The following NTM variants were observed in gnomAD, a reference collection of about 807,000 sequenced individuals.
NTM encodes IgLON family member 2.
Under a neutral mutation model 42.1 loss-of-function variants are expected in NTM, and 13 were observed. The ratio of observed to expected loss-of-function variants is 0.31; its 90% confidence interval spans 0.20 to 0.49. NTM has a LOEUF of 0.49. NTM is among the 20% of genes least tolerant of loss of function. The pLI is 0.99. For missense variants in NTM, 373 were observed against 452.8 expected (o/e 0.82, Z 1.60); for synonymous variants, 187 against 179.2 (o/e 1.04, Z -0.35).
At chr11:132,242,066 T>C (rs1174041664) in intron 4 of NTM, among the ~76,000 whole-genome samples, 2 of 152,344 alleles carry the variant, frequency 1.3e-5, no homozygotes, top group Non-Finnish European at 2.9e-5. Context: ...GGTTGTTTGA[T>C]GCCATCTCAT....
chr11:131,589,171 G>T (rs4936139), intron 1 of NTM, among the ~76,000 whole-genome samples: 52,008 of 139,978 alleles, frequency 0.37, 10,187 homozygotes, highest in East Asian at 0.52. Flanking sequence ...GGAAAAATGT[G>T]TGTGTGTGTG....
intron 1 of NTM, chr11:131,771,360 G>C (rs1225905982): frequency 6.6e-6 from 1 of 152,202 alleles, no homozygotes; most frequent in Non-Finnish European, 1.5e-5. Context: ...AAATGAAGAT[G>C]CCAGGGTTTT....
At chr11:131,488,593 T>A (rs949270068) in intron 1 of NTM, among the ~76,000 whole-genome samples, 4 of 152,204 alleles carry the variant, frequency 2.6e-5, no homozygotes, top group African/African-American at 9.7e-5. Flanking sequence ...CGATGGCAAG[T>A]GCAGCATGTG....
At chr11:132,328,193 A>T (rs1329929764) in intron 7 of NTM, among the ~76,000 whole-genome samples, 1 of 152,114 alleles carries the variant, frequency 6.6e-6, no homozygotes, top group Non-Finnish European at 1.5e-5. Flanking sequence ...GGTGGACTGG[A>T]ATGAGCATGA....
chr11:132,087,095 C>T (rs533079841), intron 2 of NTM, among the ~76,000 whole-genome samples: 1 of 152,102 alleles, frequency 6.6e-6, no homozygotes, highest in Non-Finnish European at 1.5e-5. Context: ...CTAGGGAATA[C>T]CCAGGATATG....
chr11:132,184,369 A>G (rs2078069429), intron 3 of NTM, among the ~76,000 whole-genome samples: 1 of 152,102 alleles, frequency 6.6e-6, no homozygotes, highest in South Asian at 2.1e-4. Flanking sequence ...CTTCCTTGGC[A>G]CAGCTGTGGG....
intron 2 of NTM, among the ~76,000 whole-genome samples, chr11:132,102,964 A>G (rs761504433): frequency 6.6e-6 from 1 of 152,230 alleles, no homozygotes. Context: ...ACTGAGCACA[A>G]CAGAGCCAAA....
intron 1 of NTM, among the ~76,000 whole-genome samples, chr11:131,392,782 G>A (rs1041527392): frequency 3.3e-5 from 5 of 152,166 alleles, no homozygotes; most frequent in African/African-American, 9.7e-5. Context: ...CTGAAAGTCT[G>A]GAAGGTTGCT....
chr11:131,552,297 C>A (rs1442044374), intron 1 of NTM, among the ~76,000 whole-genome samples: 1 of 152,160 alleles, frequency 6.6e-6, no homozygotes, highest in Non-Finnish European at 1.5e-5. Flanking sequence ...AAAAGTGATG[C>A]TGTCAGTTTG....
chr11:131,517,747 T>C (rs2049082465), intron 1 of NTM, among the ~76,000 whole-genome samples: 1 of 152,234 alleles, frequency 6.6e-6, no homozygotes, highest in African/African-American at 2.4e-5. Flanking sequence ...TGTATTGACC[T>C]GCCTTCAGAT....
At chr11:131,680,399 GCGTC>G (rs2072261923) in intron 1 of NTM, among the ~76,000 whole-genome samples, 3 of 151,384 alleles carry the variant, frequency 2.0e-5, no homozygotes, top group South Asian at 2.1e-4. Flanking sequence ...GTGTGTGTGT[GCGTC>G]TGTGTAGGCA....
intron 1 of NTM, among the ~76,000 whole-genome samples, chr11:131,639,924 C>G (rs1275550641): frequency 6.6e-6 from 1 of 151,644 alleles, no homozygotes; most frequent in Non-Finnish European, 1.5e-5. Flanking sequence ...CCACTGCACT[C>G]CAGCCTGGGT....
chr11:131,667,641 T>C (rs1482188678), intron 1 of NTM, among the ~76,000 whole-genome samples: 1 of 152,170 alleles, frequency 6.6e-6, no homozygotes, highest in Admixed American at 6.5e-5. Context: ...CTTACAGCAG[T>C]GAGCAAGTGT....
intron 1 of NTM, among the ~76,000 whole-genome samples, chr11:131,556,181 G>A (rs1463310922): frequency 6.6e-6 from 1 of 152,150 alleles, no homozygotes; most frequent in Non-Finnish European, 1.5e-5. Flanking sequence ...AAAGGAGGAT[G>A]CCTCTAATGT....
intron 4 of NTM, among the ~76,000 whole-genome samples, chr11:132,221,670 G>C (rs1206769480): frequency 6.6e-6 from 1 of 152,208 alleles, no homozygotes; most frequent in Non-Finnish European, 1.5e-5. Context: ...TGTGATGCAA[G>C]CTCAAGTTTG....
intron 2 of NTM, among the ~76,000 whole-genome samples, chr11:132,069,260 A>G (rs71485717): frequency 4.8e-5 from 7 of 147,220 alleles, no homozygotes; most frequent in South Asian, 2.2e-4. Flanking sequence ...CACACTGACC[A>G]TCACAGATTA....
At chr11:131,895,467 T>C (rs2052117580) in intron 1 of NTM, among the ~76,000 whole-genome samples, 1 of 152,198 alleles carries the variant, frequency 6.6e-6, no homozygotes, top group Non-Finnish European at 1.5e-5. Context: ...TGGATATTTG[T>C]TGAACTCACA....
intron 1 of NTM, among the ~76,000 whole-genome samples, chr11:131,866,916 T>C (rs1304256212): frequency 6.6e-6 from 1 of 152,180 alleles, no homozygotes; most frequent in Non-Finnish European, 1.5e-5. Context: ...GAAATGTTTT[T>C]GGAGGAACCA....
intron 3 of NTM, among the ~76,000 whole-genome samples, chr11:132,169,588 C>A (rs188930151): frequency 2.6e-5 from 4 of 151,906 alleles, no homozygotes; most frequent in South Asian, 4.2e-4. Flanking sequence ...CCCTCCTTGG[C>A]CTCCCAAAGT....
Sources: gnomAD v4.1 joint callset for allele counts (sites outside exome capture counted in the v4.1 genomes callset) on GRCh38, gnomAD v4.1.1 for gene constraint, MANE v1.5 for transcripts, NCBI Gene and HGNC (gene_info 2026-07-23, HGNC 2026-07-21) for gene names.